NSMCE2: variants seen among roughly 807,000 people sequenced by gnomAD.
NSMCE2 encodes E3 SUMO-protein ligase NSE2.
In NSMCE2, 24 loss-of-function variants were observed where a neutral mutation model predicts 23.8. The observed-to-expected ratio is 1.01, with a 90% CI of 0.73 to 1.42. NSMCE2 has a LOEUF of 1.42. Ranked by LOEUF, NSMCE2 falls within the 40% of genes most tolerant of loss-of-function variation. NSMCE2 has a pLI of 0.00. For missense variants in NSMCE2, 284 were observed against 296.5 expected (o/e 0.96, Z 0.31); for synonymous variants, 92 against 94.1 (o/e 0.98, Z 0.13).
intron 4 of NSMCE2, among the ~76,000 whole-genome samples, chr8:125,169,672 T>G (rs1187480275): frequency 6.6e-6 from 1 of 152,216 alleles, no homozygotes; most frequent in African/African-American, 2.4e-5. Flanking sequence ...ACACAGTTGC[T>G]GTCTTCTCCT....
intron 5 of NSMCE2, among the ~76,000 whole-genome samples, chr8:125,337,621 G>A (rs898663754): frequency 7.2e-5 from 11 of 152,250 alleles, no homozygotes; most frequent in East Asian, 3.9e-4. Flanking sequence ...TTGGCCGGGC[G>A]TGGTGGCTCA....
chr8:125,233,021 A>G, intron 5 of NSMCE2, among the ~76,000 whole-genome samples: 1 of 152,224 alleles, frequency 6.6e-6, no homozygotes, highest in East Asian at 1.9e-4. Flanking sequence ...TTAGTTACGC[A>G]ATTGCCGGCT....
chr8:125,107,498 G>A (rs577779881), intron 3 of NSMCE2, among the ~76,000 whole-genome samples: 1 of 152,140 alleles, frequency 6.6e-6, no homozygotes, highest in Admixed American at 6.5e-5. Flanking sequence ...GGCCTATCAA[G>A]GACATTCTTA....
At chr8:125,112,559 TA>T (rs35747622) in intron 3 of NSMCE2, among the ~76,000 whole-genome samples, 14,820 of 150,228 alleles carry the variant, frequency 0.099, 926 homozygotes, top group South Asian at 0.18. Flanking sequence ...TATTCAGTCT[TA>T]AAAAAAAAAT....
In NSMCE2 at chr8:125,272,813, GTA is replaced by G. The variant is rs1167434993; in HGVS notation, c.419-84397_419-84396del. 2.6e-3 allele frequency among the ~76,000 whole-genome samples: 312 copies of G among 119,112 alleles called. 15 individuals carry two copies. The highest frequency in any genetic ancestry group is 9.9e-3 in the African/African-American group (294 of 29,838). The allele number at this position is 119,112 out of a possible 152,430, so 78.1% of individuals were successfully genotyped here. A position where few individuals can be genotyped will look rare whatever the true frequency, so the allele number is the denominator to read the frequency against. ...CACATGTGTATATATATACACACACGTATATATATACACATATATATACACAC... is the reference window on the plus strand; with the variant it reads ...CACATGTGTATATATATACACACACGTATATATACACATATATATACACAC... On this transcript the variant is annotated intron_variant, in intron 5 of 7. Coordinates refer to ENST00000287437, the MANE Select transcript of NSMCE2 (RefSeq NM_173685.4).
At chr8:125,336,715 A>G (rs1830073338) in intron 5 of NSMCE2, among the ~76,000 whole-genome samples, 1 of 152,254 alleles carries the variant, frequency 6.6e-6, no homozygotes, top group Non-Finnish European at 1.5e-5. Flanking sequence ...GCTGCATTTA[A>G]TTCTCTCTTT....
At position 125,102,595 on chromosome 8, in the gene NSMCE2, C is replaced by G. The variant is rs1029171231; in HGVS notation, c.157+108C>G. 2.0e-5 allele frequency: 16 copies of G among 811,022 alleles called. No homozygotes were observed. The Admixed American group carries it at 2.9e-4, about 15-fold the overall frequency. 50.2% of individuals were successfully genotyped at this position (811,022 alleles called of 1,614,324 possible). On this transcript the variant is annotated intron_variant, in intron 3 of 7. Transcript: ENST00000287437. The stretch of plus-strand genomic sequence containing the variant: ...TCCTTGGGGGAATGATTTAACCCCT[C>G]TAGGCATCTGTTGTCTCATTTTATT...
rs530581350 is a variant in NSMCE2 at position 125,164,781 on chromosome 8, A to G, written c.264+13504A>G. On this transcript the variant is annotated intron_variant, in intron 4 of 7. Transcript: ENST00000287437. ...AATAAACTTTTTTCTAGTTTTAATG[A>G]TATGGTTTATGTTTATATTTATTAA... is the stretch of plus-strand genomic sequence containing the variant. Among the ~76,000 whole-genome samples, 6 of 152,334 alleles carry G rather than the reference A, an allele frequency of 3.9e-5. No homozygotes were observed. The South Asian group carries it at 1.2e-3, about 32-fold the overall frequency.
chr8:125,133,136 T>G (rs1819859110), intron 3 of NSMCE2, among the ~76,000 whole-genome samples: 1 of 152,236 alleles, frequency 6.6e-6, no homozygotes. Context: ...AAAATCCATT[T>G]TAAATTAAAA....
intron 5 of NSMCE2, among the ~76,000 whole-genome samples, chr8:125,316,549 T>C (rs1174180901): frequency 2.0e-5 from 3 of 152,208 alleles, no homozygotes; most frequent in African/African-American, 7.2e-5. Flanking sequence ...CCGTTGTCTG[T>C]CTGTCTTTCT....
At chr8:125,216,130 C>T (rs981056143) in intron 5 of NSMCE2, among the ~76,000 whole-genome samples, 1 of 152,196 alleles carries the variant, frequency 6.6e-6, no homozygotes, top group African/African-American at 2.4e-5. Flanking sequence ...TAATGTTCAC[C>T]TATGTTGTAG....
chr8:125,317,468 A>T (rs75559673), intron 5 of NSMCE2, among the ~76,000 whole-genome samples: 15,497 of 152,212 alleles, frequency 0.1, 872 homozygotes, highest in Non-Finnish European at 0.13. Context: ...AAGTTCTGGG[A>T]TTACAGGCGT....
chr8:125,170,921 A>G (rs534908617), intron 4 of NSMCE2, among the ~76,000 whole-genome samples: 2 of 152,288 alleles, frequency 1.3e-5, no homozygotes, highest in East Asian at 3.9e-4. Context: ...AGAGGTTTTT[A>G]CTACTCTGTG....
chr8:125,128,867 G>A (rs571168995), intron 3 of NSMCE2, among the ~76,000 whole-genome samples: 4 of 152,170 alleles, frequency 2.6e-5, no homozygotes, highest in South Asian at 2.1e-4. Flanking sequence ...AGATAAGCCT[G>A]GATTCTCTCC....
intron 5 of NSMCE2, among the ~76,000 whole-genome samples, chr8:125,300,492 G>A (rs1388674785): frequency 6.6e-6 from 1 of 152,168 alleles, no homozygotes; most frequent in Non-Finnish European, 1.5e-5. Context: ...CTCGTTCTAA[G>A]CCATATCAAA....
intron 5 of NSMCE2, among the ~76,000 whole-genome samples, chr8:125,284,543 A>G (rs1827821291): frequency 6.6e-6 from 1 of 152,252 alleles, no homozygotes; most frequent in Admixed American, 6.5e-5. Flanking sequence ...AGCTGTATTC[A>G]GGATTTTCAG....
intron 5 of NSMCE2, among the ~76,000 whole-genome samples, chr8:125,275,002 A>G (rs114657751): frequency 0.035 from 155 of 4,424 alleles, 1 homozygote; most frequent in African/African-American, 0.057. Context: ...TGAAGATGAT[A>G]ATAATAATAA....
chr8:125,334,020 G>A (rs139983793), intron 5 of NSMCE2, among the ~76,000 whole-genome samples: 14 of 152,200 alleles, frequency 9.2e-5, no homozygotes, highest in African/African-American at 2.4e-4. Context: ...TGGGTCTGCC[G>A]TGGACTCAGG....
At chr8:125,200,722 C>T (rs940454273) in intron 5 of NSMCE2, among the ~76,000 whole-genome samples, 6 of 152,140 alleles carry the variant, frequency 3.9e-5, no homozygotes, top group African/African-American at 1.4e-4. Flanking sequence ...GTTGGCCTGC[C>T]TAGCTACGTT....
Sources: gnomAD v4.1 joint callset for allele counts (sites outside exome capture counted in the v4.1 genomes callset) on GRCh38, gnomAD v4.1.1 for gene constraint, MANE v1.5 for transcripts, NCBI Gene and HGNC (gene_info 2026-07-23, HGNC 2026-07-21) for gene names.